Variants in ROBO2 observed in about 807,000 individuals in gnomAD.
ROBO2 encodes the protein roundabout homolog 2.
In ROBO2, 53 loss-of-function variants were observed where a neutral mutation model predicts 160.8. The ratio of observed to expected loss-of-function variants is 0.33; its 90% confidence interval spans 0.26 to 0.41. The LOEUF (loss-of-function observed/expected upper bound fraction) is 0.41, where lower values mean the gene tolerates loss of function less well. ROBO2 is among the 10% of genes least tolerant of loss of function. The pLI is 1.00. For missense variants in ROBO2, 1,577 were observed against 1,722.4 expected (o/e 0.92, Z 1.49); for synonymous variants, 664 against 611.7 (o/e 1.09, Z -1.26).
intron 2 of ROBO2, among the ~76,000 whole-genome samples, chr3:76,647,437 G>C (rs1006365863): frequency 5.9e-5 from 9 of 152,144 alleles, no homozygotes; most frequent in African/African-American, 2.2e-4. Flanking sequence ...CAGTTCAAAC[G>C]TCACAAAGCC....
chr3:76,022,376 T>G (rs2066598475), intron 2 of ROBO2, among the ~76,000 whole-genome samples: 1 of 151,818 alleles, frequency 6.6e-6, no homozygotes, highest in Admixed American at 6.6e-5. Flanking sequence ...GTGAATCCTT[T>G]CCAGAAGATT....
intron 2 of ROBO2, among the ~76,000 whole-genome samples, chr3:77,174,916 A>G (rs1161285522): frequency 2.0e-5 from 3 of 152,094 alleles, no homozygotes; most frequent in African/African-American, 7.2e-5. Flanking sequence ...ATTTAAAAAT[A>G]TCCTGAAACA....
At chr3:76,695,417 GT>G (rs1018866227) in intron 2 of ROBO2, among the ~76,000 whole-genome samples, 4 of 150,462 alleles carry the variant, frequency 2.7e-5, no homozygotes, top group Non-Finnish European at 4.4e-5. Flanking sequence ...TCTCAGGCTT[GT>G]TTTTTTTTAA....
At chr3:76,784,852 T>A (rs2062872119) in intron 2 of ROBO2, among the ~76,000 whole-genome samples, 1 of 151,232 alleles carries the variant, frequency 6.6e-6, no homozygotes, top group South Asian at 2.1e-4. Context: ...GTGTCCTGGG[T>A]TGGGCAAGAC....
intron 2 of ROBO2, among the ~76,000 whole-genome samples, chr3:77,150,434 G>A (rs932508035): frequency 5.9e-5 from 9 of 152,150 alleles, no homozygotes; most frequent in Admixed American, 1.3e-4. Context: ...TTATTTGTTC[G>A]TGTTTGACAA....
chr3:76,994,348 G>A (rs942309454), intron 2 of ROBO2, among the ~76,000 whole-genome samples: 2 of 151,642 alleles, frequency 1.3e-5, no homozygotes, highest in African/African-American at 4.9e-5. Flanking sequence ...TGTTTCTACG[G>A]GAAAGCACAT....
chr3:76,699,621 T>C (rs2093005455), intron 2 of ROBO2, among the ~76,000 whole-genome samples: 1 of 152,184 alleles, frequency 6.6e-6, no homozygotes, highest in African/African-American at 2.4e-5. Flanking sequence ...TCCCATCTGC[T>C]CCATGTGCAA....
intron 12 of ROBO2, among the ~76,000 whole-genome samples, chr3:77,566,188 C>T (rs2093474491): frequency 6.6e-6 from 1 of 151,924 alleles, no homozygotes; most frequent in African/African-American, 2.4e-5. Context: ...TTAAAGGAAT[C>T]GACTGAAATA....
chr3:76,142,375 G>T (rs1377840655), intron 2 of ROBO2, among the ~76,000 whole-genome samples: 1 of 151,992 alleles, frequency 6.6e-6, no homozygotes, highest in East Asian at 1.9e-4. Context: ...TCCTACGTTT[G>T]TTGCAGCACT....
intron 2 of ROBO2, among the ~76,000 whole-genome samples, chr3:77,371,356 T>C (rs1560648999): frequency 6.6e-6 from 1 of 152,228 alleles, no homozygotes; most frequent in Non-Finnish European, 1.5e-5. Context: ...GTCTTTATCC[T>C]CTTTCTATGT....
Position 76,194,769 on chromosome 3 carries a change from G to A in ROBO2, c.109+257167G>A, listed in dbSNP as rs576885691. On this transcript the variant is annotated intron_variant, in intron 2 of 26. Coordinates refer to the ROBO2 transcript ENST00000487694. ...TGAGTAGCTGGGACTACAGGCGCCC[G>A]CCACCACGCCCAGCTAACTTTTGTA... is the stretch of plus-strand genomic sequence containing the variant. Among the ~76,000 whole-genome samples the A allele has an allele frequency of 6.6e-5, 10 of 151,914 alleles. No homozygotes were observed. The South Asian group carries it at 1.7e-3, about 25-fold the overall frequency.
intron 2 of ROBO2, among the ~76,000 whole-genome samples, chr3:76,087,097 A>G (rs1343986035): frequency 6.6e-6 from 1 of 152,058 alleles, no homozygotes; most frequent in East Asian, 1.9e-4. Context: ...AAGAAGCAGG[A>G]TTTGAAGCAA....
intron 18 of ROBO2, 124 bp downstream of exon 19, chr3:77,595,308 A>C: frequency 1.3e-6 from 1 of 758,606 alleles, no homozygotes; most frequent in South Asian, 1.7e-5. Flanking sequence ...AGGAGGAATT[A>C]AATGGCTTAC....
chr3:77,432,890 G>A (rs761936605), intron 2 of ROBO2, among the ~76,000 whole-genome samples: 1 of 152,134 alleles, frequency 6.6e-6, no homozygotes, highest in Non-Finnish European at 1.5e-5. Flanking sequence ...TCATGTGGCA[G>A]GAATTAATTC....
intron 2 of ROBO2, among the ~76,000 whole-genome samples, chr3:75,977,760 A>G (rs1341071290): frequency 2.0e-5 from 3 of 151,602 alleles, no homozygotes; most frequent in Admixed American, 6.6e-5. Flanking sequence ...AGGTAGAGTG[A>G]CAAAGATAAA....
chr3:77,131,981 CATT>C (rs1472399830), intron 2 of ROBO2, among the ~76,000 whole-genome samples: 2 of 151,996 alleles, frequency 1.3e-5, no homozygotes, highest in Non-Finnish European at 2.9e-5. Flanking sequence ...AGGGAAAATA[CATT>C]ATTAAGTTAT....
intron 2 of ROBO2, among the ~76,000 whole-genome samples, chr3:76,172,249 G>A (rs2073068408): frequency 6.7e-6 from 1 of 148,224 alleles, no homozygotes; most frequent in South Asian, 2.2e-4. Context: ...GAGAACACAT[G>A]GACACAGGAA....
chr3:76,713,813 T>C (rs1467220990), intron 2 of ROBO2, among the ~76,000 whole-genome samples: 3 of 152,104 alleles, frequency 2.0e-5, no homozygotes, highest in Admixed American at 1.3e-4. Context: ...GTCATAACTA[T>C]GAAGTACAGA....
intron 6 of ROBO2, among the ~76,000 whole-genome samples, chr3:77,539,080 G>C (rs2092329834): frequency 6.6e-6 from 1 of 152,188 alleles, no homozygotes; most frequent in Non-Finnish European, 1.5e-5. Flanking sequence ...GCCACGCCCA[G>C]CTAATTTGTT....
Sources: allele counts gnomAD v4.1 joint callset (sites outside exome capture counted in the v4.1 genomes callset), GRCh38; gene constraint gnomAD v4.1.1; transcripts MANE v1.5; gene names NCBI Gene and HGNC (gene_info 2026-07-23, HGNC 2026-07-21).